Variants in INTS2 observed in about 807,000 individuals in gnomAD.
INTS2 encodes KIAA1287.
Under a neutral mutation model 139.6 loss-of-function variants are expected in INTS2, and 57 were observed. The ratio of observed to expected loss-of-function variants is 0.41; its 90% CI spans 0.33 to 0.51. INTS2 has a LOEUF of 0.51. Among genes scored for constraint, INTS2 ranks in the 20% least tolerant of loss-of-function variants. The pLI is 0.28. For synonymous variants in INTS2, 473 were observed against 493.4 expected (o/e 0.96, Z 0.55); for missense variants, 1,196 against 1,436.7 (o/e 0.83, Z 2.71).
rs116354197 is a variant in INTS2, at chr17:61,909,802, C to T, written c.954+1718G>A. 8.3e-3 allele frequency among the ~76,000 whole-genome samples: 1,177 copies of T among 140,976 alleles called. 16 individuals carry two copies. Among genetic ancestry groups the T allele is most frequent in the African/African-American group, 0.03 (1,108 of 37,350 alleles). The allele number at this position is 140,976 out of a possible 152,430, so 92.5% of individuals were successfully genotyped here. On this transcript the variant is annotated intron_variant, in intron 7 of 24. Coordinates refer to ENST00000251334, the MANE Select transcript of INTS2 (RefSeq NM_001351695.2). The surrounding 1 kb of genome is among the most constrained non-coding windows in gnomAD (Gnocchi z 4.9). ...GTTTGTGTGTGTGTATACATATATA[C>T]GTGTGTGTGTACATGTGTGTATGTG...
chr17:61,880,562 G>C (rs577721974), intron 17 of INTS2, among the ~76,000 whole-genome samples: 1 of 152,046 alleles, frequency 6.6e-6, no homozygotes, highest in Non-Finnish European at 1.5e-5. Flanking sequence ...GACCAGCCTG[G>C]GCAACATGGT....
intron 5 of INTS2, among the ~76,000 whole-genome samples, chr17:61,912,558 G>C (rs992140477): frequency 6.6e-6 from 1 of 151,972 alleles, no homozygotes; most frequent in African/African-American, 2.4e-5. Flanking sequence ...GGAGGTGGAG[G>C]TTGCAGTGAG....
intron 15 of INTS2, among the ~76,000 whole-genome samples, chr17:61,885,609 A>G (rs1346510908): frequency 1.3e-5 from 2 of 151,780 alleles, no homozygotes; most frequent in Non-Finnish European, 2.9e-5. Context: ...TAGTAGAGAC[A>G]GCATTTTGCA....
chr17:61,904,413 A>C, intron 9 of INTS2, 47 bp downstream of exon 9: 1 of 1,384,292 alleles, frequency 7.2e-7, no homozygotes. Flanking sequence ...TATTGAGTAA[A>C]TAAAAGTAAA....
At position 61,897,289 on chromosome 17, in the gene INTS2, CATGA is replaced by C. The variant is rs1306600653; in HGVS notation, c.1494+176_1494+179del. On this transcript the variant is annotated intron_variant, in intron 11 of 24. Coordinates refer to ENST00000251334, the MANE Select transcript of INTS2 (RefSeq NM_001351695.2). The surrounding 1 kb of genome is among the most constrained non-coding windows in gnomAD (Gnocchi z 4.4). Reference sequence around the variant, plus strand: ...TTTTCTGTGCTTTCCAAGGTTTTTGCATGAGTATCTATTATTTTAGTAAATACAG... The same window carrying C: ...TTTTCTGTGCTTTCCAAGGTTTTTGCGTATCTATTATTTTAGTAAATACAG... 6.6e-6 allele frequency among the ~76,000 whole-genome samples: 1 copy of C among 152,050 alleles called. No homozygotes were observed. The highest frequency in any genetic ancestry group is 2.4e-5 in the African/African-American group (1 of 41,398).
In INTS2 at chr17:61,899,606, A is replaced by G. The variant is rs115719278; in HGVS notation, c.1308-1867T>C. On this transcript the variant is annotated intron_variant, in intron 9 of 24. Coordinates refer to ENST00000251334, the MANE Select transcript of INTS2 (RefSeq NM_001351695.2). ...AAACATTAGTTTTTCTATCTATAAG[A>G]TATAGACAAAAATACCTTATAAGGC... 2.2e-3 allele frequency among the ~76,000 whole-genome samples: 338 copies of G among 152,000 alleles called. 1 individual carries two copies. Among genetic ancestry groups the G allele is most frequent in the African/African-American group, 7.6e-3 (314 of 41,484 alleles).
intron 4 of INTS2, among the ~76,000 whole-genome samples, chr17:61,920,340 C>A (rs2079626899): frequency 6.6e-6 from 1 of 152,114 alleles, no homozygotes; most frequent in South Asian, 2.1e-4. Context: ...TGCCACCACA[C>A]CAGGCTAATT....
At chr17:61,888,958 G>A (rs1239746222) in intron 15 of INTS2, among the ~76,000 whole-genome samples, 5 of 151,722 alleles carry the variant, frequency 3.3e-5, no homozygotes, top group Admixed American at 1.3e-4. Flanking sequence ...TCAGGAAGTG[G>A]AGCTTGCAGT....
chr17:61,889,929 T>C lies in INTS2; in HGVS notation c.1876-35A>G, dbSNP rs145910566. 2,084 of 1,289,244 alleles carry C rather than the reference T, an allele frequency of 1.6e-3. 21 individuals are homozygous for C. The African/African-American group carries it at 0.025, about 15-fold the overall frequency. The allele number at this position is 1,289,244 out of a possible 1,614,324, so 79.9% of individuals were successfully genotyped here. On this transcript the variant is annotated intron_variant, in intron 14 of 24. Coordinates refer to ENST00000251334, the MANE Select transcript of INTS2 (RefSeq NM_001351695.2). ...ATATTACAAATACTCTGAAATACTC[T>C]GAATTTCACGAGTGCTTTTTTTTTT... is the stretch of plus-strand genomic sequence containing the variant.
At chr17:61,899,611 G>A (rs2079384338) in intron 9 of INTS2, among the ~76,000 whole-genome samples, 2 of 151,602 alleles carry the variant, frequency 1.3e-5, no homozygotes, top group African/African-American at 2.4e-5. Flanking sequence ...ATAAGATATA[G>A]ACAAAAATAC....
intron 9 of INTS2, among the ~76,000 whole-genome samples, chr17:61,903,951 A>G (rs989544355): frequency 1.3e-5 from 2 of 152,224 alleles, no homozygotes; most frequent in African/African-American, 4.8e-5. Context: ...TTACAGATGT[A>G]GCAGTAAAAC....
In INTS2 at chr17:61,870,005, C is replaced by A. The variant is rs1567886570; in HGVS notation, c.2779-17G>T. On this transcript the variant is annotated splice_polypyrimidine_tract_variant and intron_variant, in intron 20 of 24. Coordinates refer to ENST00000251334, the MANE Select transcript of INTS2 (RefSeq NM_001351695.2). This position sits in a 1 kb window ranked among gnomAD's most constrained non-coding sequence, Gnocchi z 4.4. ...TGCACTATCCTATAAGCAAACAAAA[C>A]ATAGAAAAAGTAAGAAGTTTCTAAG... 1.9e-6 allele frequency: 3 copies of A among 1,581,938 alleles called. No individual in the cohort carries two copies. The highest frequency in any genetic ancestry group is 3.7e-5 in the Admixed American group (2 of 54,348).
At chr17:61,919,624 G>A in intron 4 of INTS2, 111 bp from the exon 5 acceptor site, 2 of 626,776 alleles carry the variant, frequency 3.2e-6, no homozygotes, top group Middle Eastern at 2.9e-4. Flanking sequence ...TTGCCCAGGT[G>A]GGTCTCAAAC....
rs1603375075 is a variant in INTS2, at chr17:61,885,095, C to G, written c.1985-90G>C. 1.4e-5 allele frequency: 12 copies of G among 841,300 alleles called. No individual in the cohort carries two copies. The East Asian group carries it at 3.2e-4, about 22-fold the overall frequency. The allele number at this position is 841,300 out of a possible 1,614,324, so 52.1% of individuals were successfully genotyped here. ...ACCCAAATGGAAACAAAAACAAAGTCAAATTACTTTTAATGCAATTAACCT... is the reference window on the plus strand; with the variant it reads ...ACCCAAATGGAAACAAAAACAAAGTGAAATTACTTTTAATGCAATTAACCT... On this transcript the variant is annotated intron_variant, in intron 15 of 24. Coordinates refer to ENST00000251334, the MANE Select transcript of INTS2 (RefSeq NM_001351695.2).
rs866894007 is a variant in INTS2 at position 61,896,257 on chromosome 17, A to C, written c.1495-874T>G. Among the ~76,000 whole-genome samples, 730 of 151,440 alleles carry C rather than the reference A, an allele frequency of 4.8e-3. 9 individuals carry two copies. The highest frequency in any genetic ancestry group is 0.01 in the Middle Eastern group (3 of 292). ...TCCATCTCAAAAAAAAAAAACAAAA[A>C]AAAAACATTTAATATACTACATAAA... On this transcript the variant is annotated intron_variant, in intron 11 of 24. Coordinates refer to ENST00000251334, the MANE Select transcript of INTS2 (RefSeq NM_001351695.2).
Position 61,872,410 on chromosome 17 carries a change from A to G in INTS2, c.2633T>C (p.Leu878Pro). The G allele has an allele frequency of 6.2e-7, 1 of 1,611,298 alleles. No individual in the cohort carries two copies. The highest frequency in any genetic ancestry group is 8.5e-7 in the Non-Finnish European group (1 of 1,177,918). The part of the protein sequence containing the change: ...ITLHMLNGYL[L>P]ASKAYLSAHL... ...AGCACTAAGGTAGGCTTTAGATGCA[A>G]GAAGATATCCATTCAACATGTGTAG... The change falls in exon 20 of 25, where the codon CTT (leucine) becomes CCT (proline). Residue 878 changes from leucine to proline, a missense_variant. Coordinates refer to ENST00000251334, the MANE Select transcript of INTS2 (RefSeq NM_001351695.2). The surrounding 1 kb of genome is among the most constrained non-coding windows in gnomAD (Gnocchi z 4.8).
At chr17:61,924,818 A>G in intron 3 of INTS2, 143 bp downstream of exon 3, 2 of 767,596 alleles carry the variant, frequency 2.6e-6, no homozygotes, top group South Asian at 1.8e-5. Context: ...AATAAGAATG[A>G]AACTCCGTCT....
At chr17:61,920,980 TC>T (rs2079635638) in intron 4 of INTS2, among the ~76,000 whole-genome samples, 1 of 152,138 alleles carries the variant, frequency 6.6e-6, no homozygotes, top group Non-Finnish European at 1.5e-5. Context: ...AGACAAGGTC[TC>T]ACTATGTTGC....
intron 14 of INTS2, 132 bp from the exon 15 acceptor site, chr17:61,890,026 T>C (rs2271576): frequency 0.18 from 109,863 of 612,902 alleles, 12,367 homozygotes; most frequent in East Asian, 0.51. Context: ...AGGAGAAATG[T>C]TGCTGTGTGT....
Sources: allele counts gnomAD v4.1 joint callset (sites outside exome capture counted in the v4.1 genomes callset), GRCh38; gene constraint gnomAD v4.1.1; non-coding constraint Gnocchi (gnomAD v3.1); transcripts MANE v1.5; gene names NCBI Gene and HGNC (gene_info 2026-07-23, HGNC 2026-07-21).